Variants in MTUS1 observed in about 807,000 individuals in gnomAD.
The protein encoded by MTUS1 is microtubule associated scaffold protein 1, also known as microtubule-associated tumor suppressor 1.
In MTUS1, 109 loss-of-function variants were observed where a neutral mutation model predicts 120.8. The observed-to-expected ratio is 0.90, with a 90% CI of 0.77 to 1.06. The LOEUF (loss-of-function observed/expected upper bound fraction) is 1.06, where lower values mean the gene tolerates loss of function less well. MTUS1 is among the 50% of genes least tolerant of loss of function. The pLI is 0.00. For missense variants in MTUS1, 2,210 were observed against 1,486.3 expected (o/e 1.49, Z -8.01); for synonymous variants, 737 against 550.5 (o/e 1.34, Z -4.74).
At chr8:17,764,428 T>C (rs2049303635) in intron 1 of MTUS1, among the ~76,000 whole-genome samples, 2 of 150,800 alleles carry the variant, frequency 1.3e-5, no homozygotes, top group Non-Finnish European at 3.0e-5. Flanking sequence ...GTAATTTCTA[T>C]GTACCTGCAA....
In MTUS1 at chr8:17,646,051, GCTC is replaced by G; in HGVS notation, c.3685_3687del (p.Glu1229del). 6.2e-7 allele frequency: 1 copy of G among 1,613,662 alleles called. No individual in the cohort carries two copies. The highest frequency in any genetic ancestry group is 1.1e-5 in the South Asian group (1 of 90,980). ...TCCCCATTGTGCAGTTTCCACAGAA[GCTC>G]CTCGTTTTCCATAGAGAGTCGCTTG... is the stretch of plus-strand genomic sequence containing the variant. On this transcript the variant is annotated inframe_deletion, in exon 15 of 15. Transcript: ENST00000693296.
At chr8:17,698,413 T>C (rs141260037) in intron 6 of MTUS1, among the ~76,000 whole-genome samples, 114 of 152,270 alleles carry the variant, frequency 7.5e-4, no homozygotes, top group African/African-American at 2.5e-3. Context: ...AAAACAAAGA[T>C]ATGGTTATAA....
intron 1 of MTUS1, among the ~76,000 whole-genome samples, chr8:17,761,351 AATT>A (rs1210640330): frequency 3.9e-5 from 6 of 152,220 alleles, no homozygotes; most frequent in East Asian, 3.8e-4. Context: ...TATTAATTAC[AATT>A]ATTATCATAT....
At chr8:17,752,954 T>A (rs990879270) in intron 2 of MTUS1, among the ~76,000 whole-genome samples, 1 of 152,240 alleles carries the variant, frequency 6.6e-6, no homozygotes, top group Non-Finnish European at 1.5e-5. Flanking sequence ...AACACATGCA[T>A]GTTTAAAGGA....
chr8:17,754,997 C>T lies in MTUS1; in HGVS notation c.811G>A (p.Val271Ile), dbSNP rs2048492513. The T allele has an allele frequency of 6.2e-7, 1 of 1,613,994 alleles. No homozygotes were observed. The highest frequency in any genetic ancestry group is 8.5e-7 in the Non-Finnish European group (1 of 1,180,032). ...GNQCACSSGK[V>I]TSEYTDGSQQ... is the part of the protein sequence containing the mutation. ...GATCCATCTGTGTACTCACTGGTGA[C>T]CTTTCCTGAAGAACATGCACACTGA... Residue 271 changes from valine (V) to isoleucine (I), a missense_variant, in exon 2 of 15, where the codon GTC becomes ATC. Transcript: ENST00000693296.
chr8:17,786,675 G>T (rs1236351845), intron 1 of MTUS1, among the ~76,000 whole-genome samples: 4 of 152,202 alleles, frequency 2.6e-5, no homozygotes, highest in Non-Finnish European at 5.9e-5. Context: ...GTCACAATGT[G>T]AATGTGTAAG....
At chr8:17,761,154 T>G (rs182169521) in intron 1 of MTUS1, among the ~76,000 whole-genome samples, 8 of 152,116 alleles carry the variant, frequency 5.3e-5, no homozygotes, top group Admixed American at 3.9e-4. Context: ...GATTAAAAAT[T>G]AGTAAATATG....
At chr8:17,650,038 T>C (rs1003578280) in intron 12 of MTUS1, 76 bp from the exon 13 acceptor site, 7 of 832,158 alleles carry the variant, frequency 8.4e-6, no homozygotes, top group East Asian at 2.4e-5. Flanking sequence ...TTTGATTAGA[T>C]TGAGACATTA....
chr8:17,675,236 T>G lies in MTUS1; in HGVS notation c.2855A>C (p.Lys952Thr), dbSNP rs1812850397. ...TTCTTGAGATAGGGTTTTGTGTTGT[T>G]TCAGTGCTTCCTCCCGCTGCGGAAA... is the stretch of plus-strand genomic sequence containing the variant. Reference protein sequence around the residue: ...HLLSEREEALKQHKTLSQELV... With the variant: ...HLLSEREEALTQHKTLSQELV... The change falls in exon 8 of 15, where the codon AAA becomes ACA. Residue 952 changes from lysine (K) to threonine (T), a missense_variant. Coordinates refer to ENST00000693296, the MANE Select transcript of MTUS1 (RefSeq NM_001363059.2). 6.2e-7 allele frequency: 1 copy of G among 1,613,988 alleles called. No homozygotes were observed. The highest frequency in any genetic ancestry group is 1.1e-5 in the South Asian group (1 of 91,050).
At chr8:17,665,521 T>TTTGTGCCTCTTTG (rs1810702748) in intron 8 of MTUS1, among the ~76,000 whole-genome samples, 1 of 151,468 alleles carries the variant, frequency 6.6e-6, no homozygotes, top group Admixed American at 6.6e-5. Context: ...CTCCAGCCTC[T>TTTGTGCCTCTTTG]TTGTTGTTGT....
chr8:17,775,704 T>G (rs1161699312), intron 1 of MTUS1, among the ~76,000 whole-genome samples: 1 of 152,262 alleles, frequency 6.6e-6, no homozygotes, highest in Non-Finnish European at 1.5e-5. Context: ...GTTTTCGATG[T>G]AGCTGTTTAG....
Position 17,755,510 on chromosome 8 carries a change from C to A in MTUS1, c.298G>T (p.Asp100Tyr). ...AGTGCAGGACACTGACAAATAGAAT[C>A]TTTATGCATATCTAACACCTGCTTA... ...ISKQVLDMHK[D>Y]SICQCPALVG... is the part of the protein sequence containing the mutation. The change falls in exon 2 of 15, where the codon GAT (aspartate) becomes TAT (tyrosine). Residue 100 changes from aspartate to tyrosine, a missense_variant. Transcript: ENST00000693296. 1 of 1,614,152 alleles carries A rather than the reference C, an allele frequency of 6.2e-7. No homozygotes were observed. Among genetic ancestry groups the A allele is most frequent in the Non-Finnish European group, 8.5e-7 (1 of 1,179,994 alleles).
chr8:17,750,556 G>C (rs922372850), intron 2 of MTUS1, among the ~76,000 whole-genome samples: 1 of 152,210 alleles, frequency 6.6e-6, no homozygotes, highest in African/African-American at 2.4e-5. Flanking sequence ...TGAGGGCTCT[G>C]AGTGTGAATC....
intron 3 of MTUS1, among the ~76,000 whole-genome samples, chr8:17,729,519 T>A (rs921576814): frequency 9.9e-5 from 15 of 152,178 alleles, no homozygotes; most frequent in African/African-American, 3.6e-4. Context: ...ATTGCACACA[T>A]AGACACACAC....
rs191688177 is a variant in MTUS1, at chr8:17,664,333, A to G, written c.2906-8268T>C. Among the ~76,000 whole-genome samples, 358 of 152,332 alleles carry G rather than the reference A, an allele frequency of 2.4e-3. 3 individuals are homozygous for G. The highest frequency in any genetic ancestry group is 8.4e-3 in the African/African-American group (349 of 41,574). ...GCCAGGCAAATTTTCATAGCGCCAC[A>G]TAAGAGAATACCATAGAAAGAAGAG... On this transcript the variant is annotated intron_variant, in intron 8 of 14. Transcript: ENST00000693296.
At chr8:17,739,341 A>G (rs1163507407) in intron 3 of MTUS1, among the ~76,000 whole-genome samples, 1 of 151,818 alleles carries the variant, frequency 6.6e-6, no homozygotes, top group African/African-American at 2.4e-5. Flanking sequence ...TAAAAATGCA[A>G]AATTAGCCAG....
At chr8:17,763,937 G>T (rs935801409) in intron 1 of MTUS1, among the ~76,000 whole-genome samples, 1 of 151,400 alleles carries the variant, frequency 6.6e-6, no homozygotes, top group Non-Finnish European at 1.5e-5. Flanking sequence ...GTGTGGAAAC[G>T]TGTTAAAGAT....
chr8:17,700,083 T>C (rs1013775877), intron 6 of MTUS1, among the ~76,000 whole-genome samples: 20 of 152,192 alleles, frequency 1.3e-4, no homozygotes, highest in African/African-American at 4.8e-4. Context: ...GAGGAAAAGA[T>C]AGGCATCACC....
intron 3 of MTUS1, among the ~76,000 whole-genome samples, chr8:17,731,306 G>A (rs2046560716): frequency 6.6e-6 from 1 of 152,174 alleles, no homozygotes. Flanking sequence ...ACTGCCTAGT[G>A]AGCAGGTTCC....
Sources: gnomAD v4.1 joint callset for allele counts (sites outside exome capture counted in the v4.1 genomes callset) on GRCh38, gnomAD v4.1.1 for gene constraint, MANE v1.5 for transcripts, NCBI Gene and HGNC (gene_info 2026-07-23, HGNC 2026-07-21) for gene names.